Variants in TPST2 observed in about 807,000 individuals in gnomAD.
TPST2 encodes tyrosylprotein sulfotransferase 2, also known as protein-tyrosine sulfotransferase 2.
In TPST2, 16 loss-of-function variants were observed where a neutral mutation model predicts 27.8. The observed-to-expected ratio is 0.58, with a 90% CI of 0.39 to 0.88. The LOEUF (loss-of-function observed/expected upper bound fraction) is 0.88. Among genes scored for constraint, TPST2 ranks in the 40% least tolerant of loss-of-function variants. TPST2 has a pLI of 0.00. For missense variants in TPST2, 464 were observed against 543.1 expected (o/e 0.85, Z 1.45); for synonymous variants, 229 against 231.7 (o/e 0.99, Z 0.10).
rs1312305539 is a variant in TPST2, at chr22:26,524,758, G to C, written c.*1517C>G. On this transcript the variant is annotated 3_prime_UTR_variant, in exon 7 of 7. Transcript: ENST00000338754. ...GGCCCAGTTGGTCCCTCAGCATTTGGGGACTGTGCTATAAGGGTTAACTCA... is the reference window on the plus strand; with the variant it reads ...GGCCCAGTTGGTCCCTCAGCATTTGCGGACTGTGCTATAAGGGTTAACTCA... 2.0e-5 allele frequency: 3 copies of C among 152,194 alleles called. No individual in the cohort carries two copies. Among genetic ancestry groups the C allele is most frequent in the Non-Finnish European group, 4.4e-5 (3 of 68,042 alleles). 9.4% of individuals were successfully genotyped at this position (152,194 alleles called of 1,614,324 possible).
intron 1 of TPST2, among the ~76,000 whole-genome samples, chr22:26,562,452 A>T (rs1927153975): frequency 6.6e-6 from 1 of 152,098 alleles, no homozygotes; most frequent in Non-Finnish European, 1.5e-5. Context: ...TTTAAGATGC[A>T]CCTAATTGCT....
At chr22:26,570,066 G>GGAAA (rs1228235235) in intron 1 of TPST2, among the ~76,000 whole-genome samples, 5 of 125,048 alleles carry the variant, frequency 4.0e-5, no homozygotes, top group Non-Finnish European at 6.9e-5. Context: ...AAAGAAAGAA[G>GGAAA]GAAAGAAAGA....
At chr22:26,530,250 T>G (rs985231137) in intron 5 of TPST2, among the ~76,000 whole-genome samples, 1 of 152,134 alleles carries the variant, frequency 6.6e-6, no homozygotes, top group Non-Finnish European at 1.5e-5. Flanking sequence ...GCGTGTTGCC[T>G]TTTTTTGTCC....
At position 26,546,092 on chromosome 22, in the gene TPST2, GA is replaced by G. The variant is rs1208791659; in HGVS notation, c.-160-1418del. Among the ~76,000 whole-genome samples, 503 of 142,654 alleles carry G rather than the reference GA, an allele frequency of 3.5e-3. 10 individuals are homozygous for G. The East Asian group carries it at 0.064, about 18-fold the overall frequency. 93.6% of individuals were successfully genotyped at this position (142,654 alleles called of 152,430 possible). On this transcript the variant is annotated intron_variant, in intron 1 of 6. Transcript: ENST00000338754. Reference sequence around the variant, plus strand: ...ACCACGTCTCAAAAAAAAAAAAAAAGAAAAAAAAAACTCAGCTTTTATTATT... The same window carrying G: ...ACCACGTCTCAAAAAAAAAAAAAAAGAAAAAAAAACTCAGCTTTTATTATT...
At chr22:26,530,358 C>T (rs1006202185) in intron 5 of TPST2, among the ~76,000 whole-genome samples, 61 of 152,118 alleles carry the variant, frequency 4.0e-4, no homozygotes, top group African/African-American at 1.4e-3. Context: ...TTCACTAGCA[C>T]CATTTTGGAT....
At chr22:26,558,515 G>A (rs555087557) in intron 1 of TPST2, among the ~76,000 whole-genome samples, 47 of 152,320 alleles carry the variant, frequency 3.1e-4, no homozygotes, top group Admixed American at 3.9e-4. Context: ...AGGAGACACT[G>A]TGGGCAGGAG....
intron 1 of TPST2, among the ~76,000 whole-genome samples, chr22:26,571,764 G>A (rs1330810892): frequency 6.6e-6 from 1 of 152,134 alleles, no homozygotes; most frequent in African/African-American, 2.4e-5. Context: ...AGGCTTGCCT[G>A]TTGGAACAAG....
intron 1 of TPST2, among the ~76,000 whole-genome samples, chr22:26,584,440 C>T (rs185392637): frequency 1.8e-4 from 28 of 152,290 alleles, no homozygotes; most frequent in African/African-American, 5.5e-4. Flanking sequence ...CTGATGTTTT[C>T]TGTGTGTTTT....
chr22:26,547,967 C>G (rs1926214550), intron 1 of TPST2, among the ~76,000 whole-genome samples: 1 of 152,148 alleles, frequency 6.6e-6, no homozygotes, highest in African/African-American at 2.4e-5. Context: ...GTATGCCATA[C>G]ATGTTATGGG....
chr22:26,550,494 A>T, intron 1 of TPST2: 1 of 714,128 alleles, frequency 1.4e-6, no homozygotes, highest in Non-Finnish European at 1.7e-6. Flanking sequence ...TCAGCAGATC[A>T]GGAGGTTCCC....
chr22:26,587,274 C>G (rs548172641), intron 1 of TPST2, among the ~76,000 whole-genome samples: 4 of 152,210 alleles, frequency 2.6e-5, no homozygotes, highest in Non-Finnish European at 5.9e-5. Flanking sequence ...CCTTTCACCC[C>G]CTCCTAATAC....
rs1258753739 is a variant in TPST2, at chr22:26,524,697, A to C, written c.*1578T>G. 6.6e-6 allele frequency: 1 copy of C among 152,216 alleles called. No homozygotes were observed. Among genetic ancestry groups the C allele is most frequent in the Non-Finnish European group, 1.5e-5 (1 of 68,044 alleles). 9.4% of individuals were successfully genotyped at this position (152,216 alleles called of 1,614,324 possible). A position where few individuals can be genotyped will look rare whatever the true frequency, so the allele number is the denominator to read the frequency against. On this transcript the variant is annotated 3_prime_UTR_variant, in exon 7 of 7. Transcript: ENST00000338754. Reference sequence around the variant, plus strand: ...GATATAAGGCAAGGAGGTATGGGTAAAACACCTTAACCCTTAAAGATACAA... The same window carrying C: ...GATATAAGGCAAGGAGGTATGGGTACAACACCTTAACCCTTAAAGATACAA...
In TPST2 at chr22:26,523,163, T is replaced by C. The variant is rs1009357102; in HGVS notation, c.*3112A>G. On this transcript the variant is annotated 3_prime_UTR_variant, in exon 7 of 7. Transcript: ENST00000338754. ...GTGTTTGTGCCACTGCACTGCAGCC[T>C]GAGCAACCAAGCGGGACTCTGTCTC... 1 of 151,640 alleles carries C rather than the reference T, an allele frequency of 6.6e-6. No individual in the cohort carries two copies. Among genetic ancestry groups the C allele is most frequent in the African/African-American group, 2.4e-5 (1 of 41,350 alleles). The allele number at this position is 151,640 out of a possible 1,614,324, so 9.4% of individuals were successfully genotyped here. A position where few individuals can be genotyped will look rare whatever the true frequency, so the allele number is the denominator to read the frequency against.
intron 1 of TPST2, among the ~76,000 whole-genome samples, chr22:26,548,653 C>T (rs1926268037): frequency 6.6e-6 from 1 of 151,926 alleles, no homozygotes; most frequent in Non-Finnish European, 1.5e-5. Context: ...TAGTATGATG[C>T]AAATATTCCA....
intron 1 of TPST2, among the ~76,000 whole-genome samples, chr22:26,551,713 G>A (rs2267090): frequency 2.0e-5 from 3 of 151,992 alleles, no homozygotes; most frequent in Non-Finnish European, 4.4e-5. Context: ...TCAAAGGCTG[G>A]GTGTCCTGGG....
intron 1 of TPST2, among the ~76,000 whole-genome samples, chr22:26,581,109 CCA>C (rs1366516674): frequency 4.6e-5 from 7 of 151,942 alleles, no homozygotes; most frequent in Admixed American, 3.9e-4. Context: ...ACATACCAGG[CCA>C]CAGAGTCTCA....
rs542196529 is a variant in TPST2 at position 26,537,858 on chromosome 22, T to C, written c.843-1372A>G. 3.9e-5 allele frequency among the ~76,000 whole-genome samples: 6 copies of C among 152,242 alleles called. No homozygotes were observed. In the South Asian group the frequency reaches 8.3e-4, roughly 21 times the overall value. On this transcript the variant is annotated intron_variant, in intron 3 of 6. Coordinates refer to ENST00000338754, the MANE Select transcript of TPST2 (RefSeq NM_003595.5). ...CGCGCGTCTGCAGCTGTAAAACAAATACGCTAGTTTTTTTTCCCCACTCAA... is the reference window on the plus strand; with the variant it reads ...CGCGCGTCTGCAGCTGTAAAACAAACACGCTAGTTTTTTTTCCCCACTCAA...
chr22:26,583,620 C>T (rs1019945788), intron 1 of TPST2, among the ~76,000 whole-genome samples: 8 of 151,158 alleles, frequency 5.3e-5, no homozygotes, highest in African/African-American at 1.9e-4. Context: ...CTTTGGGAGG[C>T]CAAGGCAGGC....
At chr22:26,569,303 C>A (rs1927505153) in intron 1 of TPST2, among the ~76,000 whole-genome samples, 1 of 152,122 alleles carries the variant, frequency 6.6e-6, no homozygotes, top group African/African-American at 2.4e-5. Context: ...ATGGTGGTTA[C>A]CCCGGTGGGG....
Sources: allele counts gnomAD v4.1 joint callset (sites outside exome capture counted in the v4.1 genomes callset), GRCh38; gene constraint gnomAD v4.1.1; transcripts MANE v1.5; gene names NCBI Gene and HGNC (gene_info 2026-07-23, HGNC 2026-07-21).